Variants in KCNH7 observed in about 807,000 individuals in gnomAD.
The protein encoded by KCNH7 is potassium voltage-gated channel subfamily H member 7.
In KCNH7, 49 loss-of-function variants were observed where a neutral mutation model predicts 120.8. That is an observed-to-expected ratio of 0.41 (90% CI 0.32 to 0.51). KCNH7 has a LOEUF of 0.51. KCNH7 is among the 20% of genes least tolerant of loss of function. The probability of loss-of-function intolerance (pLI) is 0.38; values close to 1 mark genes in which losing one functional copy is unlikely to be tolerated. For missense variants in KCNH7, 1,097 were observed against 1,446.6 expected (o/e 0.76, Z 3.92); for synonymous variants, 547 against 516.1 (o/e 1.06, Z -0.81).
intron 9 of KCNH7, among the ~76,000 whole-genome samples, chr2:162,421,527 T>C (rs937406180): frequency 6.6e-6 from 1 of 152,166 alleles, no homozygotes; most frequent in Non-Finnish European, 1.5e-5. Flanking sequence ...GAACTAACAC[T>C]GGAAATCATT....
intron 6 of KCNH7, among the ~76,000 whole-genome samples, chr2:162,498,316 C>A (rs1558978676): frequency 6.7e-6 from 1 of 148,482 alleles, no homozygotes; most frequent in Non-Finnish European, 1.5e-5. Context: ...GGCCTTGTAG[C>A]ATTTAATTTA....
intron 2 of KCNH7, among the ~76,000 whole-genome samples, chr2:162,610,431 A>G: frequency 6.6e-6 from 1 of 152,230 alleles, no homozygotes; most frequent in African/African-American, 2.4e-5. Flanking sequence ...ATATCATTTC[A>G]ATTCACTACA....
chr2:162,584,363 A>G (rs1693961587), intron 2 of KCNH7, among the ~76,000 whole-genome samples: 1 of 152,248 alleles, frequency 6.6e-6, no homozygotes, highest in East Asian at 1.9e-4. Flanking sequence ...ATAGAGCATT[A>G]TCTAATCCCC....
chr2:162,520,629 T>G (rs986229453), intron 3 of KCNH7, among the ~76,000 whole-genome samples: 1 of 151,310 alleles, frequency 6.6e-6, no homozygotes, highest in Non-Finnish European at 1.5e-5. Context: ...AAAAACTAGG[T>G]ATGGTGGCAT....
At chr2:162,589,353 T>C (rs1357070985) in intron 2 of KCNH7, among the ~76,000 whole-genome samples, 1 of 152,020 alleles carries the variant, frequency 6.6e-6, no homozygotes, top group Admixed American at 6.6e-5. Flanking sequence ...ACATTCTTCT[T>C]TGTAGCTTAG....
chr2:162,707,779 C>T (rs1172723351), intron 2 of KCNH7, among the ~76,000 whole-genome samples: 3 of 152,110 alleles, frequency 2.0e-5, no homozygotes, highest in Non-Finnish European at 4.4e-5. Flanking sequence ...TCACCTACTA[C>T]TACGTTTACC....
chr2:162,581,533 A>C (rs1465045222), intron 2 of KCNH7, among the ~76,000 whole-genome samples: 1 of 152,044 alleles, frequency 6.6e-6, no homozygotes, highest in Non-Finnish European at 1.5e-5. Context: ...GAGGCATTGG[A>C]GGTTATATCA....
At chr2:162,835,464 A>T (rs952629024) in intron 2 of KCNH7, among the ~76,000 whole-genome samples, 1 of 152,082 alleles carries the variant, frequency 6.6e-6, no homozygotes, top group Non-Finnish European at 1.5e-5. Context: ...TTTTCTAAAA[A>T]TCTGAACAGC....
intron 2 of KCNH7, among the ~76,000 whole-genome samples, chr2:162,624,654 T>C (rs1683482006): frequency 6.6e-6 from 1 of 152,136 alleles, no homozygotes; most frequent in Admixed American, 6.6e-5. Flanking sequence ...ATTTTAGCTA[T>C]ATCATCTGCG....
intron 2 of KCNH7, among the ~76,000 whole-genome samples, chr2:162,685,404 A>G (rs1685854456): frequency 6.6e-6 from 1 of 152,108 alleles, no homozygotes; most frequent in Non-Finnish European, 1.5e-5. Context: ...CTTAAGAGAT[A>G]ACCTGTACAA....
At chr2:162,403,376 G>T (rs1225302242) in intron 9 of KCNH7, among the ~76,000 whole-genome samples, 1 of 151,804 alleles carries the variant, frequency 6.6e-6, no homozygotes, top group Non-Finnish European at 1.5e-5. Context: ...CCTGTTTCTG[G>T]CTTGTTATAT....
chr2:162,451,177 T>G (rs1309583219), intron 6 of KCNH7, among the ~76,000 whole-genome samples: 1 of 152,036 alleles, frequency 6.6e-6, no homozygotes, highest in African/African-American at 2.4e-5. Flanking sequence ...TAGTAATCTT[T>G]GCAAAAACCA....
At chr2:162,828,726 A>T (rs1685374917) in intron 2 of KCNH7, among the ~76,000 whole-genome samples, 1 of 152,126 alleles carries the variant, frequency 6.6e-6, no homozygotes, top group African/African-American at 2.4e-5. Flanking sequence ...TGGCTCAGGG[A>T]ACCTCACACA....
At chr2:162,704,965 A>T (rs1686643012) in intron 2 of KCNH7, among the ~76,000 whole-genome samples, 1 of 152,184 alleles carries the variant, frequency 6.6e-6, no homozygotes. Flanking sequence ...AAAAGAAATG[A>T]ATTAAGTTTT....
intron 12 of KCNH7, among the ~76,000 whole-genome samples, chr2:162,390,975 C>T (rs764716771): frequency 1.3e-5 from 2 of 151,882 alleles, no homozygotes; most frequent in Non-Finnish European, 2.9e-5. Context: ...TAATTGGAAG[C>T]GGAGTGGCAG....
chr2:162,594,078 A>G (rs1694297315), intron 2 of KCNH7, among the ~76,000 whole-genome samples: 1 of 151,968 alleles, frequency 6.6e-6, no homozygotes, highest in South Asian at 2.1e-4. Context: ...TTGGTTTCAT[A>G]GCATAGTTTC....
At position 162,525,515 on chromosome 2, in the gene KCNH7, G is replaced by A. The variant is rs550740867; in HGVS notation, c.464-7357C>T. Among the ~76,000 whole-genome samples the A allele has an allele frequency of 5.4e-4, 82 of 151,984 alleles. 2 individuals are homozygous for A. The South Asian group carries it at 0.012, about 23-fold the overall frequency. On this transcript the variant is annotated intron_variant, in intron 3 of 15. Coordinates refer to ENST00000332142, the MANE Select transcript of KCNH7 (RefSeq NM_033272.4). ...AAAATCTCTCAGTGAGAGGGGATTG[G>A]GAATGAAAGCAAACACAGCAGCATA... is the stretch of plus-strand genomic sequence containing the variant.
Position 162,561,567 on chromosome 2 carries a change from T to C in KCNH7, c.308-24487A>G, listed in dbSNP as rs552845931. Among the ~76,000 whole-genome samples, 85 of 152,336 alleles carry C rather than the reference T, an allele frequency of 5.6e-4. No individual in the cohort carries two copies. The Middle Eastern group carries it at 0.01, about 18-fold the overall frequency. On this transcript the variant is annotated intron_variant, in intron 2 of 15. Coordinates refer to ENST00000332142, the MANE Select transcript of KCNH7 (RefSeq NM_033272.4). ...TCTCCAGCATCTCTTGTTTCCTGAC[T>C]TTTTAATGATTGCCATTCTAGCTGG...
At chr2:162,541,860 G>T (rs1219652415) in intron 2 of KCNH7, among the ~76,000 whole-genome samples, 3 of 151,870 alleles carry the variant, frequency 2.0e-5, no homozygotes, top group Non-Finnish European at 2.9e-5. Context: ...AAAAATTGAA[G>T]AAAAAAAGGC....
Sources: allele counts gnomAD v4.1 joint callset (sites outside exome capture counted in the v4.1 genomes callset), GRCh38; gene constraint gnomAD v4.1.1; transcripts MANE v1.5; gene names NCBI Gene and HGNC (gene_info 2026-07-23, HGNC 2026-07-21).